Variants in GPRIN3 observed in about 807,000 individuals in gnomAD.
GPRIN3 encodes the protein GPRIN family member 3.
GPRIN3 carries 12 observed loss-of-function variants against 13.7 expected under a neutral mutation model. The ratio of observed to expected loss-of-function variants is 0.87; its 90% CI spans 0.56 to 1.42. The LOEUF (loss-of-function observed/expected upper bound fraction) is 1.42, where lower values mean the gene tolerates loss of function less well. Among genes scored for constraint, GPRIN3 ranks in the 40% most tolerant of loss-of-function variants. GPRIN3 has a pLI of 0.00. For missense variants in GPRIN3, 1,009 were observed against 958.7 expected (o/e 1.05, Z -0.69); for synonymous variants, 377 against 372.7 (o/e 1.01, Z -0.13).
Position 89,250,218 on chromosome 4 carries a change from C to G in GPRIN3, c.-108G>C. On this transcript the variant is annotated 5_prime_UTR_variant, in exon 2 of 2. Transcript: ENST00000609438. ...AGTGATGACACAGTCAGGGATGATT[C>G]CTCTGAAGAACCAGCCTGTGAATCA... The G allele has an allele frequency of 6.6e-7, 1 of 1,505,870 alleles. No homozygotes were observed. The highest frequency in any genetic ancestry group is 8.9e-7 in the Non-Finnish European group (1 of 1,128,416). 93.3% of individuals were successfully genotyped at this position (1,505,870 alleles called of 1,614,324 possible).
At chr4:89,290,636 A>G (rs1198919171) in intron 1 of GPRIN3, among the ~76,000 whole-genome samples, 3 of 152,172 alleles carry the variant, frequency 2.0e-5, no homozygotes, top group Non-Finnish European at 2.9e-5. Flanking sequence ...TATAGGATTT[A>G]CCATAATCTG....
Position 89,250,247 on chromosome 4 carries a change from A to T in GPRIN3, c.-123-14T>A. 6.7e-7 allele frequency: 1 copy of T among 1,486,460 alleles called. No homozygotes were observed. The highest frequency in any genetic ancestry group is 8.9e-7 in the Non-Finnish European group (1 of 1,117,428). 92.1% of individuals were successfully genotyped at this position (1,486,460 alleles called of 1,614,324 possible). On this transcript the variant is annotated splice_polypyrimidine_tract_variant and intron_variant, in intron 1 of 1. Coordinates refer to ENST00000609438, the MANE Select transcript of GPRIN3 (RefSeq NM_198281.3). Reference sequence around the variant, plus strand: ...TGAAGAACCAGCCTGTGAATCAAGGAAACAGCATCATTAATACAGTACGTC... The same window carrying T: ...TGAAGAACCAGCCTGTGAATCAAGGTAACAGCATCATTAATACAGTACGTC...
At chr4:89,292,076 G>A (rs1232390063) in intron 1 of GPRIN3, among the ~76,000 whole-genome samples, 1 of 152,048 alleles carries the variant, frequency 6.6e-6, no homozygotes, top group Non-Finnish European at 1.5e-5. Context: ...CCCAAGTGCA[G>A]GGATTTGCAA....
intron 1 of GPRIN3, among the ~76,000 whole-genome samples, chr4:89,297,429 T>C (rs1724769601): frequency 6.6e-6 from 1 of 152,182 alleles, no homozygotes; most frequent in Non-Finnish European, 1.5e-5. Context: ...CATTCTTTAA[T>C]GAATTTTAAA....
At chr4:89,271,788 C>T (rs571249472) in intron 1 of GPRIN3, among the ~76,000 whole-genome samples, 32 of 152,108 alleles carry the variant, frequency 2.1e-4, no homozygotes, top group African/African-American at 7.0e-4. Context: ...GTGCAATACA[C>T]GTCTTGAAGC....
chr4:89,269,161 T>A (rs1175682849), intron 1 of GPRIN3, among the ~76,000 whole-genome samples: 1 of 152,210 alleles, frequency 6.6e-6, no homozygotes, highest in Non-Finnish European at 1.5e-5. Context: ...TTATAAACAA[T>A]GTTTAATACT....
At chr4:89,298,018 T>A (rs1724791823) in intron 1 of GPRIN3, among the ~76,000 whole-genome samples, 1 of 152,142 alleles carries the variant, frequency 6.6e-6, no homozygotes, top group African/African-American at 2.4e-5. Flanking sequence ...ACCTCAAAAA[T>A]CAAGTTATTT....
intron 1 of GPRIN3, among the ~76,000 whole-genome samples, chr4:89,276,110 C>A (rs1027575377): frequency 6.6e-6 from 1 of 152,134 alleles, no homozygotes; most frequent in African/African-American, 2.4e-5. Context: ...TTGTCCCTTG[C>A]CACACAGCAA....
At chr4:89,298,224 T>C (rs752435964) in intron 1 of GPRIN3, among the ~76,000 whole-genome samples, 1 of 152,182 alleles carries the variant, frequency 6.6e-6, no homozygotes, top group Non-Finnish European at 1.5e-5. Flanking sequence ...TCTGCTACCC[T>C]CTGCTTCTTA....
chr4:89,279,482 A>G (rs925654385), intron 1 of GPRIN3, among the ~76,000 whole-genome samples: 1 of 152,038 alleles, frequency 6.6e-6, no homozygotes, highest in African/African-American at 2.4e-5. Flanking sequence ...CTTTCCTTAC[A>G]ACTCAACTTC....
chr4:89,299,259 T>C (rs1010169473), intron 1 of GPRIN3, among the ~76,000 whole-genome samples: 5 of 152,040 alleles, frequency 3.3e-5, no homozygotes, highest in Non-Finnish European at 7.4e-5. Context: ...TTAGTTTCGA[T>C]TGGTACTATT....
At position 89,266,540 on chromosome 4, in the gene GPRIN3, T is replaced by A. The variant is rs1341835266; in HGVS notation, c.-123-16307A>T. Among the ~76,000 whole-genome samples, 3 of 152,184 alleles carry A rather than the reference T, an allele frequency of 2.0e-5. No homozygotes were observed. In the East Asian group the frequency reaches 5.8e-4, roughly 29 times the overall value. The stretch of plus-strand genomic sequence containing the variant: ...GTTCCTTTGAAATGAAGTTGAATGG[T>A]TTAGGAAAACTTGACAAAGGTGGGT... On this transcript the variant is annotated intron_variant, in intron 1 of 1. Transcript: ENST00000609438.
At chr4:89,295,706 G>A (rs1022654591) in intron 1 of GPRIN3, among the ~76,000 whole-genome samples, 1 of 152,110 alleles carries the variant, frequency 6.6e-6, no homozygotes, top group African/African-American at 2.4e-5. Context: ...GGGATTTCTG[G>A]ACCAGCCCTC....
At chr4:89,281,431 T>C (rs541041189) in intron 1 of GPRIN3, among the ~76,000 whole-genome samples, 1 of 152,138 alleles carries the variant, frequency 6.6e-6, no homozygotes, top group South Asian at 2.1e-4. Flanking sequence ...TGCCACATAG[T>C]TTTAAACAGA....
At chr4:89,285,211 T>C in intron 1 of GPRIN3, among the ~76,000 whole-genome samples, 1 of 127,080 alleles carries the variant, frequency 7.9e-6, no homozygotes, top group African/African-American at 2.9e-5. Flanking sequence ...GGTTGGGGGG[T>C]CAGGGGGCGG....
chr4:89,279,337 C>A (rs2149277475), intron 1 of GPRIN3, among the ~76,000 whole-genome samples: 1 of 152,282 alleles, frequency 6.6e-6, no homozygotes, highest in Non-Finnish European at 1.5e-5. Flanking sequence ...CGCGCCCTGC[C>A]ACCATGGCCA....
chr4:89,265,596 T>C (rs1228053630), intron 1 of GPRIN3, among the ~76,000 whole-genome samples: 1 of 152,200 alleles, frequency 6.6e-6, no homozygotes, highest in Non-Finnish European at 1.5e-5. Context: ...TAGGAACATA[T>C]GTTGACCTTG....
chr4:89,304,832 T>C (rs932943590), intron 1 of GPRIN3, among the ~76,000 whole-genome samples: 2 of 152,222 alleles, frequency 1.3e-5, no homozygotes, highest in Non-Finnish European at 2.9e-5. Context: ...TTCTACATAA[T>C]TCAAACCTCT....
intron 1 of GPRIN3, among the ~76,000 whole-genome samples, chr4:89,257,984 C>T (rs1723519329): frequency 3.3e-5 from 5 of 151,912 alleles, no homozygotes; most frequent in Admixed American, 3.3e-4. Flanking sequence ...TGTACACACA[C>T]ATATTTGCAG....
Sources: allele counts gnomAD v4.1 joint callset (sites outside exome capture counted in the v4.1 genomes callset), GRCh38; gene constraint gnomAD v4.1.1; transcripts MANE v1.5; gene names NCBI Gene and HGNC (gene_info 2026-07-23, HGNC 2026-07-21).